The following CIMIP6 variants were observed in gnomAD, a reference collection of about 807,000 sequenced individuals.
The protein encoded by CIMIP6 is uncharacterized protein C2orf73.
the CIMIP6 span, among the ~76,000 whole-genome samples, chr2:54,336,665 A>G: frequency 6.6e-6 from 1 of 152,208 alleles, no homozygotes; most frequent in Non-Finnish European, 1.5e-5. Context: ...AGATCAAACA[A>G]GTAAGCTGTA....
chr2:54,335,003 C>CA, the CIMIP6 span: 1 of 1,598,314 alleles, frequency 6.3e-7, no homozygotes, highest in South Asian at 1.1e-5. Context: ...ACATAGATCC[C>CA]AAAAAAGGGC....
At chr2:54,353,297 C>G in the CIMIP6 span, among the ~76,000 whole-genome samples, 2 of 152,100 alleles carry the variant, frequency 1.3e-5, no homozygotes, top group Admixed American at 6.5e-5. Flanking sequence ...CGGATGAATA[C>G]TTGGTCGTGG....
chr2:54,345,931 A>G, the CIMIP6 span, among the ~76,000 whole-genome samples: 2 of 152,234 alleles, frequency 1.3e-5, no homozygotes. Flanking sequence ...GGAATCAGGC[A>G]GCACTGATGC....
the CIMIP6 span, among the ~76,000 whole-genome samples, chr2:54,349,345 A>G: frequency 6.6e-6 from 1 of 152,196 alleles, no homozygotes; most frequent in South Asian, 2.1e-4. Flanking sequence ...ATGATCTTTA[A>G]GCAGACACAA....
the CIMIP6 span, among the ~76,000 whole-genome samples, chr2:54,379,215 C>T: frequency 4.6e-5 from 7 of 152,288 alleles, no homozygotes; most frequent in East Asian, 3.9e-4. Context: ...TGGCCTGATC[C>T]GCTGTGACTG....
chr2:54,381,835 C>T, the CIMIP6 span: 4 of 1,527,146 alleles, frequency 2.6e-6, no homozygotes, highest in Non-Finnish European at 3.5e-6. Flanking sequence ...GTGTTCTTGT[C>T]TTCCTTCCAG....
At chr2:54,337,705 G>A in the CIMIP6 span, among the ~76,000 whole-genome samples, 1 of 152,198 alleles carries the variant, frequency 6.6e-6, no homozygotes. Flanking sequence ...GGTGTTAAGA[G>A]CTGCTATCAT....
At chr2:54,348,580 C>A in the CIMIP6 span, among the ~76,000 whole-genome samples, 1 of 152,052 alleles carries the variant, frequency 6.6e-6, no homozygotes, top group African/African-American at 2.4e-5. Context: ...ATGTACTGCA[C>A]AATATAGGCC....
At chr2:54,350,640 A>C in the CIMIP6 span, among the ~76,000 whole-genome samples, 1 of 152,216 alleles carries the variant, frequency 6.6e-6, no homozygotes, top group Non-Finnish European at 1.5e-5. Context: ...GCCCACATTT[A>C]CGGGGAGGGG....
chr2:54,370,993 C>T, the CIMIP6 span, among the ~76,000 whole-genome samples: 1 of 152,172 alleles, frequency 6.6e-6, no homozygotes, highest in Non-Finnish European at 1.5e-5. Context: ...TGTGTTATGA[C>T]AGGCATTTGA....
At chr2:54,375,467 C>T in the CIMIP6 span, among the ~76,000 whole-genome samples, 3 of 152,006 alleles carry the variant, frequency 2.0e-5, no homozygotes, top group East Asian at 3.8e-4. Flanking sequence ...TGTTTATATA[C>T]AATGTTGGTA....
At chr2:54,353,108 AGTAG>A in the CIMIP6 span, among the ~76,000 whole-genome samples, 1 of 147,822 alleles carries the variant, frequency 6.8e-6, no homozygotes, top group Non-Finnish European at 1.5e-5. Flanking sequence ...ATCTCCTTGC[AGTAG>A]GTAGATGTAA....
the CIMIP6 span, chr2:54,334,847 A>G: frequency 9.0e-6 from 14 of 1,548,834 alleles, no homozygotes; most frequent in South Asian, 1.5e-4. Flanking sequence ...CTGCTATAAC[A>G]TATGTAAGTG....
chr2:54,360,508 T>G, the CIMIP6 span: 22 of 1,559,862 alleles, frequency 1.4e-5, no homozygotes, highest in African/African-American at 2.7e-4. Flanking sequence ...CTGTAGGAGA[T>G]GCTCTTTTCA....
the CIMIP6 span, among the ~76,000 whole-genome samples, chr2:54,344,108 C>G: frequency 6.6e-6 from 1 of 152,186 alleles, no homozygotes; most frequent in East Asian, 1.9e-4. Context: ...TTAATAACAC[C>G]AGCCTCAAAG....
At chr2:54,367,220 CAAAT>C in the CIMIP6 span, among the ~76,000 whole-genome samples, 2 of 152,050 alleles carry the variant, frequency 1.3e-5, no homozygotes, top group African/African-American at 2.4e-5. Flanking sequence ...AAAAGCAAGG[CAAAT>C]AAATCAGTAA....
chr2:54,343,169 A>G, the CIMIP6 span, among the ~76,000 whole-genome samples: 2 of 152,216 alleles, frequency 1.3e-5, no homozygotes, highest in Non-Finnish European at 2.9e-5. Context: ...AATAGAATAG[A>G]AAAATAGTTA....
chr2:54,371,918 G>T, the CIMIP6 span, among the ~76,000 whole-genome samples: 1 of 152,272 alleles, frequency 6.6e-6, no homozygotes, highest in Middle Eastern at 3.4e-3. Context: ...AACCCCTCCG[G>T]GTCTGGGTCC....
chr2:54,361,715 C>T, the CIMIP6 span: 1 of 152,114 alleles, frequency 6.6e-6, no homozygotes, highest in African/African-American at 2.4e-5. Context: ...GCTCCATAGT[C>T]TTCAACACCA....
Sources: allele counts gnomAD v4.1 joint callset (sites outside exome capture counted in the v4.1 genomes callset), GRCh38; gene constraint gnomAD v4.1.1; transcripts MANE v1.5; gene names NCBI Gene and HGNC (gene_info 2026-07-23, HGNC 2026-07-21).